The following GABRG3 variants were observed in gnomAD, a reference collection of about 807,000 sequenced individuals.
GABRG3 encodes the protein gamma-aminobutyric acid receptor subunit gamma-3.
A neutral mutation model predicts 48.8 loss-of-function variants in GABRG3; 25 were observed. The ratio of observed to expected loss-of-function variants is 0.51; its 90% CI spans 0.37 to 0.72. The LOEUF is 0.72. GABRG3 is among the 30% of genes least tolerant of loss of function. The pLI, the probability that GABRG3 is intolerant of heterozygous loss-of-function variation, is 0.00. For synonymous variants in GABRG3, 227 were observed against 217.6 expected (o/e 1.04, Z -0.38); for missense variants, 394 against 577.9 (o/e 0.68, Z 3.26).
intron 5 of GABRG3, among the ~76,000 whole-genome samples, chr15:27,361,155 G>A (rs1331740229): frequency 1.3e-5 from 2 of 152,242 alleles, no homozygotes; most frequent in Admixed American, 6.5e-5. Flanking sequence ...GGGCACGAGA[G>A]AGCAGGGTAC....
chr15:27,498,028 A>G lies in GABRG3; in HGVS notation c.712+17241A>G, dbSNP rs185768940. 1.5e-3 allele frequency among the ~76,000 whole-genome samples: 229 copies of G among 152,140 alleles called. 1 individual carries two copies. Among genetic ancestry groups the G allele is most frequent in the Middle Eastern group, 3.4e-3 (1 of 294 alleles). On this transcript the variant is annotated intron_variant, in intron 6 of 9. Transcript: ENST00000615808. ...TTTAAATTATTTTTATAAATTATTC[A>G]TTTCTTTTCTTATGCTACTGTGTGA... is the stretch of plus-strand genomic sequence containing the variant.
At chr15:27,120,024 G>A (rs1897704602) in intron 3 of GABRG3, among the ~76,000 whole-genome samples, 3 of 152,218 alleles carry the variant, frequency 2.0e-5, no homozygotes, top group African/African-American at 7.2e-5. Context: ...TTAACCGAAT[G>A]TGTGAACACC....
At chr15:27,120,865 G>A (rs557213939) in intron 3 of GABRG3, among the ~76,000 whole-genome samples, 88 of 152,250 alleles carry the variant, frequency 5.8e-4, no homozygotes, top group African/African-American at 2.0e-3. Context: ...AAAAATGTCA[G>A]CTAATCTCCC....
chr15:26,997,100 G>A (rs1445427165), intron 2 of GABRG3, among the ~76,000 whole-genome samples: 1 of 151,950 alleles, frequency 6.6e-6, no homozygotes, highest in African/African-American at 2.4e-5. Flanking sequence ...CAAATCTACT[G>A]TTGAATGTCT....
intron 3 of GABRG3, among the ~76,000 whole-genome samples, chr15:27,297,831 G>T (rs899616703): frequency 1.3e-5 from 2 of 152,004 alleles, no homozygotes; most frequent in Non-Finnish European, 2.9e-5. Context: ...AACAATAATA[G>T]CACAGAAAAT....
chr15:27,355,250 G>A (rs1199125151), intron 5 of GABRG3, among the ~76,000 whole-genome samples: 2 of 152,204 alleles, frequency 1.3e-5, no homozygotes, highest in Non-Finnish European at 2.9e-5. Flanking sequence ...GAAAGAGGGA[G>A]AATTAAAGCA....
chr15:27,210,233 C>T (rs1566966201), intron 3 of GABRG3, among the ~76,000 whole-genome samples: 1 of 152,210 alleles, frequency 6.6e-6, no homozygotes, highest in Non-Finnish European at 1.5e-5. Context: ...TCCTCCTCAG[C>T]ACCAAGAACA....
At chr15:27,508,620 C>A (rs977823261) in intron 6 of GABRG3, among the ~76,000 whole-genome samples, 1 of 152,162 alleles carries the variant, frequency 6.6e-6, no homozygotes, top group African/African-American at 2.4e-5. Flanking sequence ...TATTCCATAT[C>A]TCTGAAGAAC....
At chr15:27,263,801 C>T (rs1444645260) in intron 3 of GABRG3, among the ~76,000 whole-genome samples, 1 of 151,960 alleles carries the variant, frequency 6.6e-6, no homozygotes, top group Non-Finnish European at 1.5e-5. Context: ...GGTAAAACGC[C>T]TGTAGTCCCC....
intron 3 of GABRG3, among the ~76,000 whole-genome samples, chr15:27,080,533 A>G (rs72715957): frequency 0.19 from 29,408 of 152,050 alleles, 2,905 homozygotes; most frequent in Middle Eastern, 0.25. Context: ...ATTCCGAGCT[A>G]TTCAGGAGGC....
At chr15:27,414,311 C>G (rs760650270) in intron 5 of GABRG3, among the ~76,000 whole-genome samples, 1 of 152,108 alleles carries the variant, frequency 6.6e-6, no homozygotes, top group Non-Finnish European at 1.5e-5. Context: ...CTCTTTCTTC[C>G]GTGCTGTTAT....
chr15:27,308,397 A>T (rs898444332), intron 3 of GABRG3, among the ~76,000 whole-genome samples: 1 of 145,318 alleles, frequency 6.9e-6, no homozygotes, highest in East Asian at 2.2e-4. Flanking sequence ...ATAAACATAT[A>T]ATATAAACAT....
chr15:27,313,068 A>T lies in GABRG3; in HGVS notation c.271-13741A>T, dbSNP rs544350186. Reference sequence around the variant, plus strand: ...AAACTCCATGCAAATGGCAACCAAAAGAGAGCAGGGGTGGCTACCTTTATA... The same window carrying T: ...AAACTCCATGCAAATGGCAACCAAATGAGAGCAGGGGTGGCTACCTTTATA... On this transcript the variant is annotated intron_variant, in intron 3 of 9. Coordinates refer to ENST00000615808, the MANE Select transcript of GABRG3 (RefSeq NM_033223.5). Among the ~76,000 whole-genome samples the T allele has an allele frequency of 2.0e-5, 3 of 149,648 alleles. No homozygotes were observed. In the South Asian group the frequency reaches 6.3e-4, roughly 32 times the overall value.
intron 3 of GABRG3, among the ~76,000 whole-genome samples, chr15:27,225,261 C>T (rs1889574328): frequency 6.6e-6 from 1 of 152,074 alleles, no homozygotes; most frequent in Non-Finnish European, 1.5e-5. Flanking sequence ...CATGACAGTG[C>T]CCATAAACTA....
chr15:27,486,414 A>T (rs2150847264), intron 6 of GABRG3, among the ~76,000 whole-genome samples: 1 of 152,318 alleles, frequency 6.6e-6, no homozygotes, highest in Middle Eastern at 3.4e-3. Context: ...TTTGAAGTTG[A>T]TTCAGTCTTT....
At chr15:27,293,242 G>T (rs771582330) in intron 3 of GABRG3, among the ~76,000 whole-genome samples, 38 of 152,138 alleles carry the variant, frequency 2.5e-4, no homozygotes, top group Non-Finnish European at 5.1e-4. Flanking sequence ...GATATAAATA[G>T]AATTAGATTT....
intron 3 of GABRG3, among the ~76,000 whole-genome samples, chr15:27,149,977 A>G (rs553084644): frequency 1.3e-5 from 2 of 152,340 alleles, no homozygotes; most frequent in South Asian, 4.1e-4. Flanking sequence ...TTGGGCAAGT[A>G]GGTTAATCTC....
intron 3 of GABRG3, among the ~76,000 whole-genome samples, chr15:27,242,412 G>A (rs539219406): frequency 2.0e-5 from 3 of 152,302 alleles, no homozygotes; most frequent in Admixed American, 6.5e-5. Flanking sequence ...GATTAAGACA[G>A]GTTGTCTCTA....
chr15:27,130,468 C>G (rs898106250), intron 3 of GABRG3, among the ~76,000 whole-genome samples: 2 of 152,056 alleles, frequency 1.3e-5, no homozygotes, highest in African/African-American at 4.8e-5. Context: ...GTTTTGAAAT[C>G]AGAAACTATG....
Sources: allele counts gnomAD v4.1 joint callset (sites outside exome capture counted in the v4.1 genomes callset), GRCh38; gene constraint gnomAD v4.1.1; transcripts MANE v1.5; gene names NCBI Gene and HGNC (gene_info 2026-07-23, HGNC 2026-07-21).